The following ZNF827 variants were observed in gnomAD, a reference collection of about 807,000 sequenced individuals.
The protein encoded by ZNF827 is zinc finger protein 827.
ZNF827 carries 13 observed loss-of-function variants against 102.4 expected under a neutral mutation model. The ratio of observed to expected loss-of-function variants is 0.13; its 90% CI spans 0.08 to 0.20. ZNF827 has a LOEUF of 0.20. Among genes scored for constraint, ZNF827 ranks in the 10% least tolerant of loss-of-function variants. ZNF827 has a pLI of 1.00. For synonymous variants in ZNF827, 523 were observed against 536.2 expected (o/e 0.98, Z 0.34); for missense variants, 1,103 against 1,344.4 (o/e 0.82, Z 2.81).
At chr4:145,933,787 GA>G (rs113838687) in intron 1 of ZNF827, among the ~76,000 whole-genome samples, 55 of 141,524 alleles carry the variant, frequency 3.9e-4, no homozygotes, top group South Asian at 1.1e-3. Flanking sequence ...CACCAATGGT[GA>G]AAAAAAAAAA....
intron 1 of ZNF827, among the ~76,000 whole-genome samples, chr4:145,932,236 C>T (rs990065099): frequency 4.6e-5 from 7 of 152,184 alleles, no homozygotes; most frequent in Non-Finnish European, 8.8e-5. Context: ...TAGCAGCCAA[C>T]GGTCTGAGAC....
intron 6 of ZNF827, among the ~76,000 whole-genome samples, chr4:145,847,896 C>G (rs867520434): frequency 6.6e-6 from 1 of 152,234 alleles, no homozygotes; most frequent in Non-Finnish European, 1.5e-5. Context: ...CAATTCCTTT[C>G]TGTCCACTCA....
At chr4:145,832,583 C>T (rs1744332446) in intron 7 of ZNF827, 1 of 152,148 alleles carries the variant, frequency 6.6e-6, no homozygotes. Flanking sequence ...TACCAATAGC[C>T]TGAAAAATGT....
chr4:145,879,386 C>G (rs983428790), intron 4 of ZNF827, among the ~76,000 whole-genome samples: 1 of 152,126 alleles, frequency 6.6e-6, no homozygotes, highest in Admixed American at 6.5e-5. Context: ...GTAGAAGCAA[C>G]AACAATAATA....
At chr4:145,867,804 G>A (rs1748338077) in intron 5 of ZNF827, among the ~76,000 whole-genome samples, 1 of 152,204 alleles carries the variant, frequency 6.6e-6, no homozygotes, top group African/African-American at 2.4e-5. Context: ...AGCTTTGGGG[G>A]TATCAGCCAA....
intron 1 of ZNF827, among the ~76,000 whole-genome samples, chr4:145,907,933 T>G (rs1751997236): frequency 6.6e-6 from 1 of 152,214 alleles, no homozygotes; most frequent in South Asian, 2.1e-4. Flanking sequence ...ATATTTCTCC[T>G]TTGGGGAAAA....
chr4:145,776,093 C>G (rs965370103), intron 9 of ZNF827, 133 bp from the exon 10 acceptor site: 2 of 995,026 alleles, frequency 2.0e-6, no homozygotes, highest in East Asian at 5.0e-5. Flanking sequence ...AATGGTAATG[C>G]CTAGGAATTG....
intron 5 of ZNF827, among the ~76,000 whole-genome samples, chr4:145,861,184 A>G (rs1747694097): frequency 6.6e-6 from 1 of 152,198 alleles, no homozygotes; most frequent in African/African-American, 2.4e-5. Flanking sequence ...TTTGACATGA[A>G]TATGTTAAAG....
At position 145,870,293 on chromosome 4, in the gene ZNF827, G is replaced by T. The variant is rs776418019; in HGVS notation, c.1933C>A (p.Arg645=). The T allele has an allele frequency of 6.2e-7, 1 of 1,614,054 alleles. No individual in the cohort carries two copies. The highest frequency in any genetic ancestry group is 8.5e-7 in the Non-Finnish European group (1 of 1,179,988). ...GAGGCTGCTTTGACTGACACATCCC[G>T]CCTTAGCACACTTCCCTTCCCTTCC... ...PQEGKGSVLR[R]DVSVKAASEL... Residue 645 remains arginine (R), a synonymous_variant, in exon 5 of 15, where the codon CGG becomes AGG. Coordinates refer to ENST00000508784, the MANE Select transcript of ZNF827 (RefSeq NM_001306215.2).
At chr4:145,828,534 A>G (rs1275823113) in intron 7 of ZNF827, among the ~76,000 whole-genome samples, 1 of 152,192 alleles carries the variant, frequency 6.6e-6, no homozygotes, top group African/African-American at 2.4e-5. Flanking sequence ...AATATTCAGT[A>G]ACTCTTCAGT....
intron 4 of ZNF827, among the ~76,000 whole-genome samples, chr4:145,878,981 T>G (rs72954694): frequency 0.016 from 2,480 of 151,818 alleles, 55 homozygotes; most frequent in African/African-American, 0.054. Flanking sequence ...GATGAAAATT[T>G]CAGTACAATT....
At position 145,870,329 on chromosome 4, in the gene ZNF827, G is replaced by C; in HGVS notation, c.1897C>G (p.Leu633Val). 1 of 1,614,134 alleles carries C rather than the reference G, an allele frequency of 6.2e-7. No homozygotes were observed. Among genetic ancestry groups the C allele is most frequent in the South Asian group, 1.1e-5 (1 of 91,068 alleles). ...VSAPGVSEDA[L>V]KPQEGKGSVL... ...CTTCCCTTCCCTTCCTGGGGCTTTA[G>C]TGCGTCCTCAGAGACGCCTGGGGCT... is the stretch of plus-strand genomic sequence containing the variant. The change falls in exon 5 of 15, where the codon CTA becomes GTA. Residue 633 changes from leucine to valine, a missense_variant. Around this residue, in one of 5 missense-constraint regions of ZNF827, gnomAD observed 243 missense variants for 251.6 expected, o/e 0.97. Coordinates refer to ENST00000508784, the MANE Select transcript of ZNF827 (RefSeq NM_001306215.2).
At chr4:145,775,681 A>G (rs1169693116) in intron 10 of ZNF827, 108 bp downstream of exon 10, 8 of 1,341,454 alleles carry the variant, frequency 6.0e-6, no homozygotes, top group Middle Eastern at 2.6e-4. Flanking sequence ...AGGCCAGGCT[A>G]TGACTGAGAA....
intron 5 of ZNF827, among the ~76,000 whole-genome samples, chr4:145,864,420 CAAAAAAAAAA>C (rs34745619): frequency 3.3e-5 from 2 of 60,806 alleles, no homozygotes; most frequent in Non-Finnish European, 5.8e-5. Flanking sequence ...CTTGTCTCTA[CAAAAAAAAAA>C]AAAAAAAAAA....
intron 8 of ZNF827, among the ~76,000 whole-genome samples, chr4:145,807,045 C>T (rs891302908): frequency 6.6e-6 from 1 of 152,160 alleles, no homozygotes; most frequent in African/African-American, 2.4e-5. Context: ...TGATCATAGT[C>T]GTATTTCATA....
intron 8 of ZNF827, among the ~76,000 whole-genome samples, chr4:145,801,946 G>C (rs1419102012): frequency 2.6e-5 from 4 of 152,042 alleles, no homozygotes; most frequent in African/African-American, 9.7e-5. Flanking sequence ...CAGGAAGGTG[G>C]GTCTGCTATT....
intron 3 of ZNF827, among the ~76,000 whole-genome samples, chr4:145,887,925 C>T (rs1011933222): frequency 6.6e-6 from 1 of 152,174 alleles, no homozygotes; most frequent in Non-Finnish European, 1.5e-5. Context: ...CAGAAGTGTC[C>T]TTACATCTAC....
At chr4:145,867,884 T>C (rs187205028) in intron 5 of ZNF827, among the ~76,000 whole-genome samples, 129 of 152,346 alleles carry the variant, frequency 8.5e-4, no homozygotes, top group South Asian at 2.1e-3. Context: ...CTCTTGTCTA[T>C]AGAGCAACAG....
intron 1 of ZNF827, among the ~76,000 whole-genome samples, chr4:145,911,178 A>G (rs1231466034): frequency 6.6e-6 from 1 of 152,230 alleles, no homozygotes; most frequent in Non-Finnish European, 1.5e-5. Context: ...CAGTTTCCCC[A>G]AAGGCCAAGA....
Sources: allele counts gnomAD v4.1 joint callset (sites outside exome capture counted in the v4.1 genomes callset), GRCh38; gene constraint gnomAD v4.1.1; regional missense constraint gnomAD v4.1.1; transcripts MANE v1.5; gene names NCBI Gene and HGNC (gene_info 2026-07-23, HGNC 2026-07-21).